SEC23IP: variants seen among roughly 807,000 people sequenced by gnomAD.
SEC23IP encodes SEC23 interacting protein.
A neutral mutation model predicts 113.4 loss-of-function variants in SEC23IP; 70 were observed. That is an observed-to-expected ratio of 0.62 (90% CI 0.51 to 0.75). The LOEUF is 0.75. Ranked by LOEUF, SEC23IP falls within the 30% of genes least tolerant of loss-of-function variation. The pLI is 0.00. For missense variants in SEC23IP, 1,160 were observed against 1,204.9 expected, an observed-to-expected ratio of 0.96 and a Z score of 0.55; for synonymous variants, 398 against 421.0, an observed-to-expected ratio of 0.95 and a Z score of 0.67.
intron 18 of SEC23IP, among the ~76,000 whole-genome samples, chr10:119,939,320 AAAAT>A (rs1564929553): frequency 6.6e-6 from 1 of 152,160 alleles, no homozygotes; most frequent in Non-Finnish European, 1.5e-5. Flanking sequence ...CCCTGTCTCA[AAAAT>A]AAATAATTAA....
At chr10:119,939,483 C>T (rs1385928157) in intron 18 of SEC23IP, among the ~76,000 whole-genome samples, 1 of 151,972 alleles carries the variant, frequency 6.6e-6, no homozygotes, top group African/African-American at 2.4e-5. Context: ...CGAGACCAGC[C>T]TGGCCAAATA....
intron 1 of SEC23IP, among the ~76,000 whole-genome samples, chr10:119,894,183 C>T (rs1365294647): frequency 1.3e-5 from 2 of 152,238 alleles, no homozygotes; most frequent in Non-Finnish European, 2.9e-5. Flanking sequence ...GAAATAAACA[C>T]ACCTGCCTCT....
chr10:119,926,825 A>G (rs1432159864), intron 13 of SEC23IP, among the ~76,000 whole-genome samples: 3 of 152,222 alleles, frequency 2.0e-5, no homozygotes, highest in Admixed American at 6.5e-5. Flanking sequence ...TGTATTAAAA[A>G]TGAAGTTTTA....
rs182580046 is a variant in SEC23IP, at chr10:119,936,632, C to G, written c.*20+2845C>G. Among the ~76,000 whole-genome samples the G allele has an allele frequency of 5.2e-3, 789 of 150,320 alleles. 11 individuals carry two copies. The highest frequency in any genetic ancestry group is 0.019 in the African/African-American group (762 of 40,914). On this transcript the variant is annotated intron_variant, in intron 18 of 18. Transcript: ENST00000369075. ...GTTGCTCAATTTTCATATTTACCAT[C>G]AGTATGTAAAGGCCAGTATGCTTGC...
intron 1 of SEC23IP, among the ~76,000 whole-genome samples, chr10:119,897,717 G>A (rs1422940158): frequency 1.3e-5 from 2 of 152,124 alleles, no homozygotes; most frequent in African/African-American, 4.8e-5. Context: ...AATATGTAAG[G>A]CTGGGCACGG....
rs1312514509 is a variant in SEC23IP, at chr10:119,929,626, C to G, written c.2333C>G (p.Ser778Ter). 6.2e-7 allele frequency: 1 copy of G among 1,610,506 alleles called. No individual in the cohort carries two copies. Among genetic ancestry groups the G allele is most frequent in the Non-Finnish European group, 8.5e-7 (1 of 1,176,892 alleles). Residue 778 changes from serine to a stop codon, truncating the protein, a stop_gained, in exon 14 of 19, where the codon TCA (serine) becomes TGA (stop). Transcript: ENST00000369075. LOFTEE classifies it high-confidence loss of function. ...TTCCAGGTTTCTGTTGCTTACAACTCATTAGATTTTGAACCAGAGATATTC... is the reference window on the plus strand; with the variant it reads ...TTCCAGGTTTCTGTTGCTTACAACTGATTAGATTTTGAACCAGAGATATTC... Reference protein sequence around the residue: ...GAGQVSVAYNSLDFEPEIFFA... With the variant: ...GAGQVSVAYN
At chr10:119,931,346 C>T (rs748351854) in intron 15 of SEC23IP, among the ~76,000 whole-genome samples, 25 of 148,486 alleles carry the variant, frequency 1.7e-4, no homozygotes, top group African/African-American at 2.5e-4. Context: ...TTTTAAATCT[C>T]GTAGGCCTCT....
At chr10:119,935,331 G>A (rs541876776) in intron 18 of SEC23IP, among the ~76,000 whole-genome samples, 2 of 151,984 alleles carry the variant, frequency 1.3e-5, no homozygotes, top group Non-Finnish European at 2.9e-5. Flanking sequence ...CATGGTAGTA[G>A]GTGCCTGTAA....
chr10:119,929,197 A>G (rs965730701), intron 13 of SEC23IP, among the ~76,000 whole-genome samples: 3 of 152,220 alleles, frequency 2.0e-5, no homozygotes, highest in Non-Finnish European at 4.4e-5. Context: ...CAGAGGATAT[A>G]ATAGTCTATA....
At chr10:119,932,941 C>T (rs1276048965) in intron 16 of SEC23IP, 64 bp from the exon 17 acceptor site, 1 of 1,445,132 alleles carries the variant, frequency 6.9e-7, no homozygotes, top group Non-Finnish European at 9.6e-7. Flanking sequence ...CCCAGAAAGT[C>T]AGCTAAAGTC....
intron 16 of SEC23IP, 61 bp downstream of exon 16, chr10:119,932,379 A>G: frequency 7.9e-7 from 1 of 1,273,084 alleles, no homozygotes; most frequent in East Asian, 2.4e-5. Context: ...TAATACTTAA[A>G]AGTTATATGA....
intron 2 of SEC23IP, among the ~76,000 whole-genome samples, chr10:119,900,738 G>A (rs1360693530): frequency 1.5e-4 from 23 of 152,092 alleles, no homozygotes; most frequent in Admixed American, 1.5e-3. Flanking sequence ...GGGATTACAG[G>A]TGTGAGCCAC....
intron 5 of SEC23IP, 56 bp from the exon 6 acceptor site, chr10:119,911,988 T>C (rs1589832183): frequency 4.4e-6 from 7 of 1,602,054 alleles, no homozygotes; most frequent in Non-Finnish European, 4.3e-6. Flanking sequence ...CTACTTAGCC[T>C]GTAGTGGAAA....
intron 1 of SEC23IP, chr10:119,898,182 A>G (rs1438948761): frequency 5.9e-6 from 3 of 508,344 alleles, no homozygotes; most frequent in Non-Finnish European, 9.2e-6. Flanking sequence ...TGTCTCTGGC[A>G]GGTGGGCTTA....
intron 8 of SEC23IP, among the ~76,000 whole-genome samples, chr10:119,916,540 A>G (rs1855059778): frequency 1.3e-5 from 2 of 152,208 alleles, no homozygotes; most frequent in African/African-American, 4.8e-5. Context: ...TATTTCTACA[A>G]ACAGCGTTTT....
At chr10:119,929,539 A>G (rs1478981549) in intron 13 of SEC23IP, 68 bp from the exon 14 acceptor site, 6 of 1,443,160 alleles carry the variant, frequency 4.2e-6, no homozygotes, top group Non-Finnish European at 4.8e-6. Context: ...CGGCCTGAAA[A>G]TTCAAAAGAA....
intron 5 of SEC23IP, 103 bp downstream of exon 5, chr10:119,909,233 GT>G (rs574371724): frequency 2.2e-5 from 15 of 696,150 alleles, no homozygotes; most frequent in Middle Eastern, 3.7e-4. Flanking sequence ...CAGTGGGAAT[GT>G]TTTTGTAACA....
At chr10:119,929,561 G>A (rs1855526484) in intron 13 of SEC23IP, 46 bp from the exon 14 acceptor site, 5 of 1,539,514 alleles carry the variant, frequency 3.2e-6, no homozygotes, top group African/African-American at 2.7e-5. Flanking sequence ...TTTCTACTAG[G>A]TGACATTGGA....
At position 119,932,186 on chromosome 10, in the gene SEC23IP, A is replaced by G. The variant is rs758996104; in HGVS notation, c.2626A>G (p.Ser876Gly). The G allele has an allele frequency of 1.2e-6, 2 of 1,612,838 alleles. No individual in the cohort carries two copies. Among genetic ancestry groups the G allele is most frequent in the Non-Finnish European group, 1.7e-6 (2 of 1,178,834 alleles). Residue 876 changes from serine to glycine, a missense_variant, in exon 16 of 19, where the codon AGC becomes GGC. Transcript: ENST00000369075. Reference sequence around the variant, plus strand: ...ATCTGATTTGAAGCAGGGTTTTATTAGCTCTCTCAAAAGTGCTTGGCAGAC... The same window carrying G: ...ATCTGATTTGAAGCAGGGTTTTATTGGCTCTCTCAAAAGTGCTTGGCAGAC... ...MGSDLKQGFI[S>G]SLKSAWQTLN...
Sources: gnomAD v4.1 joint callset for allele counts (sites outside exome capture counted in the v4.1 genomes callset) on GRCh38, gnomAD v4.1.1 for gene constraint, MANE v1.5 for transcripts, NCBI Gene and HGNC (gene_info 2026-07-23, HGNC 2026-07-21) for gene names.